The following PRDM10 variants were observed in gnomAD, a reference collection of about 807,000 sequenced individuals.
The protein encoded by PRDM10 is PR/SET domain 10.
A neutral mutation model predicts 133.1 loss-of-function variants in PRDM10; 65 were observed. The ratio of observed to expected loss-of-function variants is 0.49; its 90% CI spans 0.40 to 0.60. The LOEUF (loss-of-function observed/expected upper bound fraction) is 0.60. Ranked by LOEUF, PRDM10 falls within the 20% of genes least tolerant of loss-of-function variation. The pLI, the probability that PRDM10 is intolerant of heterozygous loss-of-function variation, is 0.00. For missense variants in PRDM10, 1,137 were observed against 1,507.1 expected (o/e 0.75, Z 4.07); for synonymous variants, 582 against 580.4 (o/e 1.00, Z -0.04).
chr11:129,998,416 A>G (rs1440780759), intron 1 of PRDM10, among the ~76,000 whole-genome samples: 1 of 152,190 alleles, frequency 6.6e-6, no homozygotes, highest in East Asian at 1.9e-4. Context: ...TTTGACTCCA[A>G]TATTCTCCTG....
At chr11:129,984,627 C>T (rs568907688) in intron 1 of PRDM10, among the ~76,000 whole-genome samples, 1 of 152,198 alleles carries the variant, frequency 6.6e-6, no homozygotes, top group Non-Finnish European at 1.5e-5. Flanking sequence ...CCTCCCTGAC[C>T]TCACATGGCA....
At chr11:129,970,863 G>A (rs1952006163) in intron 1 of PRDM10, among the ~76,000 whole-genome samples, 1 of 152,088 alleles carries the variant, frequency 6.6e-6, no homozygotes, top group Admixed American at 6.6e-5. Flanking sequence ...TTTTTTAAGT[G>A]TTAAATGAAG....
intron 20 of PRDM10, among the ~76,000 whole-genome samples, chr11:129,903,505 T>A (rs1949910153): frequency 6.6e-6 from 1 of 152,144 alleles, no homozygotes. Flanking sequence ...GTCTTTGTTT[T>A]CTTATTTTTC....
In PRDM10 at chr11:129,914,357, C is replaced by T. The variant is rs1038435320; in HGVS notation, c.2841+347G>A. On this transcript the variant is annotated intron_variant, in intron 17 of 20. Transcript: ENST00000360871. Reference sequence around the variant, plus strand: ...GATATAAGACATTTGATACGCAGGTCGTGATTTATCAAACTGGCTCATTAC... The same window carrying T: ...GATATAAGACATTTGATACGCAGGTTGTGATTTATCAAACTGGCTCATTAC... The T allele has an allele frequency of 5.7e-5, 22 of 385,752 alleles. 2 individuals carry two copies. The highest frequency in any genetic ancestry group is 2.4e-4 in the South Asian group (11 of 45,142). 23.9% of individuals were successfully genotyped at this position (385,752 alleles called of 1,614,324 possible).
intron 1 of PRDM10, among the ~76,000 whole-genome samples, chr11:130,001,521 T>C (rs1437197096): frequency 6.6e-6 from 1 of 152,134 alleles, no homozygotes; most frequent in African/African-American, 2.4e-5. Context: ...GTGGGTCTCA[T>C]CACACATCTA....
At chr11:129,952,504 C>T (rs1414201717) in intron 4 of PRDM10, among the ~76,000 whole-genome samples, 1 of 152,092 alleles carries the variant, frequency 6.6e-6, no homozygotes, top group African/African-American at 2.4e-5. Context: ...TAACTCAGCT[C>T]AACAATTATC....
intron 11 of PRDM10, among the ~76,000 whole-genome samples, chr11:129,925,962 G>T (rs757770507): frequency 4.2e-4 from 64 of 152,274 alleles, no homozygotes; most frequent in Non-Finnish European, 7.4e-4. Context: ...TATGTGAATG[G>T]GACATGAGCA....
Position 129,947,175 on chromosome 11 carries a change from G to A in PRDM10, c.490C>T (p.Pro164Ser). 2 of 1,614,018 alleles carry A rather than the reference G, an allele frequency of 1.2e-6. No homozygotes were observed. Among genetic ancestry groups the A allele is most frequent in the Non-Finnish European group, 1.7e-6 (2 of 1,180,004 alleles). Reference protein sequence around the residue: ...DTDLDDWEPDPPRPFDPHDLW... With the variant: ...DTDLDDWEPDSPRPFDPHDLW... Reference sequence around the variant, plus strand: ...TCGTGTGGGTCGAAGGGCCGGGGCGGGTCTGGCTCCCAGTCATCCAGATCC... The same window carrying A: ...TCGTGTGGGTCGAAGGGCCGGGGCGAGTCTGGCTCCCAGTCATCCAGATCC... The change falls in exon 5 of 21, where the codon CCG becomes TCG. Residue 164 changes from proline (P) to serine (S), a missense_variant. Pro to Ser is a moderately conservative substitution (Grantham distance 74). This residue lies in a region of PRDM10 where 635 missense variants were observed against 835.2 expected (regional missense o/e 0.76). Coordinates refer to ENST00000360871, the MANE Select transcript of PRDM10 (RefSeq NM_199437.2). The surrounding 1 kb of genome is among the most constrained non-coding windows in gnomAD (Gnocchi z 4.6).
intron 10 of PRDM10, among the ~76,000 whole-genome samples, chr11:129,931,724 A>G (rs930455007): frequency 7.2e-5 from 11 of 151,738 alleles, no homozygotes; most frequent in East Asian, 2.0e-4. Flanking sequence ...CCGCCACTGC[A>G]CCCAGCTAAT....
rs1489281579 is a variant in PRDM10, at chr11:129,944,861, C to T, written c.672G>A (p.Lys224=). Residue 224 remains lysine, a synonymous_variant, in exon 6 of 21, where the codon AAG becomes AAA. Transcript: ENST00000360871. ...ACTGGGTGCGCTTGGGGATGCGCCG[C>T]TTGGAGAACACCCCGCCCAGAAACC... The part of the protein sequence containing the change: ...IDRFLGGVFS[K]RRIPKRTQFG... 1 of 1,614,148 alleles carries T rather than the reference C, an allele frequency of 6.2e-7. No homozygotes were observed. Among genetic ancestry groups the T allele is most frequent in the Admixed American group, 1.7e-5 (1 of 60,032 alleles).
intron 2 of PRDM10, among the ~76,000 whole-genome samples, chr11:129,958,639 C>T (rs896537721): frequency 6.6e-5 from 10 of 151,984 alleles, no homozygotes; most frequent in Admixed American, 5.9e-4. Context: ...AGTGAAACTC[C>T]ATCTCAAAAA....
chr11:129,928,528 T>C (rs1341195589), intron 11 of PRDM10, among the ~76,000 whole-genome samples: 1 of 152,092 alleles, frequency 6.6e-6, no homozygotes, highest in East Asian at 1.9e-4. Flanking sequence ...TAGCTGAGAC[T>C]ACAGGTGCCT....
rs573650524 is a variant in PRDM10 at position 129,948,450 on chromosome 11, C to G, written c.295-1080G>C. ...GTTTCCCAGTGAACCGCCTTTGATG[C>G]CTCCAGCCCTCCCTGAGTCTCCTCT... is the stretch of plus-strand genomic sequence containing the variant. On this transcript the variant is annotated intron_variant, in intron 4 of 20. Coordinates refer to ENST00000360871, the MANE Select transcript of PRDM10 (RefSeq NM_199437.2). Among the ~76,000 whole-genome samples the G allele has an allele frequency of 5.9e-5, 9 of 152,322 alleles. No homozygotes were observed. In the East Asian group the frequency reaches 1.7e-3, roughly 29 times the overall value.
intron 13 of PRDM10, among the ~76,000 whole-genome samples, chr11:129,919,050 AT>A (rs1472549407): frequency 6.6e-6 from 1 of 152,296 alleles, no homozygotes; most frequent in African/African-American, 2.4e-5. Flanking sequence ...CTTCAGACAA[AT>A]TGATAACAGG....
intron 4 of PRDM10, among the ~76,000 whole-genome samples, chr11:129,950,433 A>G (rs1316273991): frequency 9.2e-5 from 14 of 152,184 alleles, no homozygotes; most frequent in Non-Finnish European, 1.8e-4. Context: ...CACTTCTGCA[A>G]TTCAGGGTCT....
At chr11:129,985,683 C>A (rs906360979) in intron 1 of PRDM10, among the ~76,000 whole-genome samples, 1 of 144,604 alleles carries the variant, frequency 6.9e-6, no homozygotes, top group African/African-American at 2.6e-5. Context: ...ACTCAGGAGG[C>A]TGAGGTAGGA....
chr11:129,922,612 A>G (rs2135777621), intron 13 of PRDM10, among the ~76,000 whole-genome samples: 1 of 152,290 alleles, frequency 6.6e-6, no homozygotes, highest in East Asian at 1.9e-4. Flanking sequence ...TTTTCAGCAG[A>G]AGGTCTTCCA....
intron 11 of PRDM10, among the ~76,000 whole-genome samples, chr11:129,929,934 TATGTTG>T (rs1950800223): frequency 6.6e-6 from 1 of 152,222 alleles, no homozygotes; most frequent in African/African-American, 2.4e-5. Context: ...TGTATTTCTG[TATGTTG>T]ATATACTCTT....
rs544369939 is a variant in PRDM10, at chr11:129,985,013, T to C, written c.-119+17709A>G. ...TTTACCGTCAGTTAGGCGAGTTCAG[T>C]ATGTGTGCACTACCTGTCCTCCTGC... On this transcript the variant is annotated intron_variant, in intron 1 of 20. Transcript: ENST00000360871. Among the ~76,000 whole-genome samples, 5 of 152,260 alleles carry C rather than the reference T, an allele frequency of 3.3e-5. No homozygotes were observed. The East Asian group carries it at 7.7e-4, about 24-fold the overall frequency.
Sources: gnomAD v4.1 joint callset for allele counts (sites outside exome capture counted in the v4.1 genomes callset) on GRCh38, gnomAD v4.1.1 for gene constraint, gnomAD v4.1.1 regional missense constraint, Gnocchi (gnomAD v3.1) non-coding constraint, MANE v1.5 for transcripts, NCBI Gene and HGNC (gene_info 2026-07-23, HGNC 2026-07-21) for gene names.